C8orf34: variants seen among roughly 807,000 people sequenced by gnomAD.
C8orf34 encodes the protein uncharacterized protein C8orf34.
In C8orf34, 65 loss-of-function variants were observed where a neutral mutation model predicts 68.3. The observed-to-expected ratio is 0.95, with a 90% CI of 0.78 to 1.17. The LOEUF is 1.17. Among genes scored for constraint, C8orf34 ranks in the 50% most tolerant of loss-of-function variants. The probability of loss-of-function intolerance (pLI) is 0.00; values close to 1 mark genes in which losing one functional copy is unlikely to be tolerated. For synonymous variants in C8orf34, 244 were observed against 241.2 expected (o/e 1.01, Z -0.11); for missense variants, 664 against 655.4 (o/e 1.01, Z -0.14).
intron 12 of C8orf34, among the ~76,000 whole-genome samples, chr8:68,813,315 C>T (rs1166450464): frequency 2.0e-5 from 3 of 151,582 alleles, no homozygotes; most frequent in African/African-American, 7.3e-5. Flanking sequence ...GATTTCCATG[C>T]AAGAAAAGCA....
Position 68,565,780 on chromosome 8 carries a change from T to C in C8orf34, c.1105+32631T>C, listed in dbSNP as rs540672062. Among the ~76,000 whole-genome samples, 7 of 152,314 alleles carry C rather than the reference T, an allele frequency of 4.6e-5. No individual in the cohort carries two copies. The East Asian group carries it at 1.4e-3, about 29-fold the overall frequency. The stretch of plus-strand genomic sequence containing the variant: ...TAAATAGAATGTTTGAAATGAGATT[T>C]AGAGAGTTTGCCTAATTCTAGTCTA... On this transcript the variant is annotated intron_variant, in intron 7 of 13. Transcript: ENST00000518698.
At chr8:68,744,778 G>C (rs1255437569) in intron 10 of C8orf34, among the ~76,000 whole-genome samples, 1 of 152,170 alleles carries the variant, frequency 6.6e-6, no homozygotes, top group Non-Finnish European at 1.5e-5. Context: ...TGAAAGTGAC[G>C]GGGAGAATGG....
chr8:68,625,708 G>A (rs1411880183), intron 7 of C8orf34: 1 of 646,798 alleles, frequency 1.5e-6, no homozygotes, highest in African/African-American at 1.8e-5. Flanking sequence ...AGTGTGAGTT[G>A]GCAACTATGG....
intron 7 of C8orf34, among the ~76,000 whole-genome samples, chr8:68,596,101 C>T (rs1315435309): frequency 2.6e-5 from 4 of 151,994 alleles, no homozygotes; most frequent in African/African-American, 7.2e-5. Flanking sequence ...TACTTTTGCC[C>T]CTCGAGTGCC....
chr8:68,538,531 T>C (rs918669942), intron 7 of C8orf34, among the ~76,000 whole-genome samples: 1 of 151,990 alleles, frequency 6.6e-6, no homozygotes, highest in Non-Finnish European at 1.5e-5. Context: ...AGAATTTCTA[T>C]ACAAAACTTT....
At chr8:68,700,671 A>G (rs1585749555) in intron 8 of C8orf34, among the ~76,000 whole-genome samples, 2 of 152,214 alleles carry the variant, frequency 1.3e-5, no homozygotes, top group South Asian at 2.1e-4. Context: ...TGGGGAGATC[A>G]TGCAAATACA....
intron 9 of C8orf34, among the ~76,000 whole-genome samples, chr8:68,715,914 C>A (rs1011134869): frequency 3.3e-5 from 5 of 152,088 alleles, no homozygotes; most frequent in Non-Finnish European, 7.4e-5. Context: ...TGGAACCAGC[C>A]CAAATGCTCA....
chr8:68,481,335 C>T (rs373579709), intron 4 of C8orf34, among the ~76,000 whole-genome samples: 21 of 105,408 alleles, frequency 2.0e-4, no homozygotes, highest in African/African-American at 7.1e-4. Context: ...GCTTCCATGG[C>T]GGGGCCCTCA....
chr8:68,399,948 T>C (rs1808876873), intron 1 of C8orf34, among the ~76,000 whole-genome samples: 1 of 152,188 alleles, frequency 6.6e-6, no homozygotes, highest in African/African-American at 2.4e-5. Context: ...ATTGGCCACT[T>C]GTATGTCTTC....
chr8:68,565,934 G>A (rs984580090), intron 7 of C8orf34, among the ~76,000 whole-genome samples: 4 of 152,084 alleles, frequency 2.6e-5, no homozygotes, highest in African/African-American at 9.7e-5. Flanking sequence ...TCGCTTGAAG[G>A]AAGATACAAA....
chr8:68,567,731 ATT>A (rs71253093), intron 7 of C8orf34, among the ~76,000 whole-genome samples: 39 of 139,982 alleles, frequency 2.8e-4, no homozygotes, highest in Middle Eastern at 4.1e-3. Context: ...AGTCTTTTGT[ATT>A]TTTTTTTTTT....
intron 3 of C8orf34, among the ~76,000 whole-genome samples, chr8:68,467,732 A>G (rs953548132): frequency 1.3e-5 from 2 of 151,922 alleles, no homozygotes; most frequent in East Asian, 3.9e-4. Context: ...CAGTCCTTCA[A>G]AGTATCCTAA....
At chr8:68,452,599 A>G (rs1001289933) in intron 3 of C8orf34, among the ~76,000 whole-genome samples, 3 of 150,148 alleles carry the variant, frequency 2.0e-5, no homozygotes, top group Non-Finnish European at 4.4e-5. Flanking sequence ...CACTTAGCTC[A>G]TTTTTAAGGG....
intron 5 of C8orf34, among the ~76,000 whole-genome samples, chr8:68,489,065 T>A (rs1813200191): frequency 6.6e-6 from 1 of 152,204 alleles, no homozygotes; most frequent in South Asian, 2.1e-4. Flanking sequence ...TTTTATTTTC[T>A]AAAACAAGAT....
intron 1 of C8orf34, among the ~76,000 whole-genome samples, chr8:68,332,186 A>G (rs891383751): frequency 2.0e-5 from 3 of 152,050 alleles, no homozygotes; most frequent in Non-Finnish European, 4.4e-5. Context: ...AAGAGATTGA[A>G]GCCTGGCACC....
chr8:68,705,733 G>GT (rs199787844), intron 8 of C8orf34, among the ~76,000 whole-genome samples: 151 of 151,176 alleles, frequency 1.0e-3, no homozygotes, highest in African/African-American at 2.4e-3. Flanking sequence ...ATTTTTGTGG[G>GT]TTTTTTTTTA....
At chr8:68,371,896 C>G (rs938868470) in intron 1 of C8orf34, among the ~76,000 whole-genome samples, 6 of 152,158 alleles carry the variant, frequency 3.9e-5, no homozygotes, top group Admixed American at 2.0e-4. Context: ...TTTCTATAAG[C>G]TACCCTACCT....
At chr8:68,596,739 TCATGGAGGTAGA>T (rs1364393617) in intron 7 of C8orf34, among the ~76,000 whole-genome samples, 1 of 152,116 alleles carries the variant, frequency 6.6e-6, no homozygotes, top group Non-Finnish European at 1.5e-5. Context: ...ACAACTTTTG[TCATGGAGGTAGA>T]CATTATCTCC....
intron 10 of C8orf34, among the ~76,000 whole-genome samples, chr8:68,727,934 G>A (rs1287131336): frequency 6.6e-6 from 1 of 152,204 alleles, no homozygotes; most frequent in Non-Finnish European, 1.5e-5. Flanking sequence ...TTGTCTTGAG[G>A]ATTAACATTA....
Sources: gnomAD v4.1 joint callset for allele counts (sites outside exome capture counted in the v4.1 genomes callset) on GRCh38, gnomAD v4.1.1 for gene constraint, MANE v1.5 for transcripts, NCBI Gene and HGNC (gene_info 2026-07-23, HGNC 2026-07-21) for gene names.